The following TENM3 variants were observed in gnomAD, a reference collection of about 807,000 sequenced individuals.
TENM3 encodes the protein teneurin transmembrane protein 3, also known as teneurin-3.
A neutral mutation model predicts 255.1 loss-of-function variants in TENM3; 63 were observed. The observed-to-expected ratio is 0.25, with a 90% CI of 0.20 to 0.30. The LOEUF (loss-of-function observed/expected upper bound fraction) is 0.30, where lower values mean the gene tolerates loss of function less well. Ranked by LOEUF, TENM3 falls within the 10% of genes least tolerant of loss-of-function variation. The probability of loss-of-function intolerance (pLI) is 1.00; values close to 1 mark genes in which losing one functional copy is unlikely to be tolerated. For synonymous variants in TENM3, 1,306 were observed against 1,322.3 expected, an observed-to-expected ratio of 0.99 and a Z score of 0.27; for missense variants, 2,929 against 3,461.1, an observed-to-expected ratio of 0.85 and a Z score of 3.86.
the TENM3 span, among the ~76,000 whole-genome samples, chr4:181,637,814 T>G: frequency 6.6e-6 from 1 of 152,230 alleles, no homozygotes; most frequent in Non-Finnish European, 1.5e-5. Flanking sequence ...CCGTGAGACA[T>G]GCATTTTTGT....
intron 3 of TENM3, among the ~76,000 whole-genome samples, chr4:182,543,327 A>G (rs1370260286): frequency 3.9e-5 from 6 of 152,208 alleles, no homozygotes; most frequent in African/African-American, 9.6e-5. Context: ...AACAAATTCA[A>G]TAGGAGAAAG....
chr4:182,576,577 T>C (rs1214915188), intron 3 of TENM3, among the ~76,000 whole-genome samples: 1 of 152,242 alleles, frequency 6.6e-6, no homozygotes, highest in Admixed American at 6.5e-5. Context: ...TTGGAAATTA[T>C]ATGGTTGACC....
At chr4:182,318,570 T>C (rs1762876712) in intron 1 of TENM3, among the ~76,000 whole-genome samples, 1 of 152,188 alleles carries the variant, frequency 6.6e-6, no homozygotes. Flanking sequence ...TGCCCATTCA[T>C]TCATTCAGTC....
At chr4:182,049,640 C>T in the TENM3 span, among the ~76,000 whole-genome samples, 1 of 152,174 alleles carries the variant, frequency 6.6e-6, no homozygotes, top group Non-Finnish European at 1.5e-5. Context: ...ACATTAAATG[C>T]CAAATTTCAA....
At chr4:182,602,711 T>C (rs1367682745) in intron 4 of TENM3, among the ~76,000 whole-genome samples, 1 of 152,194 alleles carries the variant, frequency 6.6e-6, no homozygotes, top group Non-Finnish European at 1.5e-5. Context: ...GACACAGTCA[T>C]GTATACGGAT....
rs1766705760 is a variant in TENM3 at position 182,799,096 on chromosome 4, C to G, written c.7345-500C>G. Among the ~76,000 whole-genome samples the G allele has an allele frequency of 6.6e-6, 1 of 152,282 alleles. No individual in the cohort carries two copies. Among genetic ancestry groups the G allele is most frequent in the East Asian group, 1.9e-4 (1 of 5,184 alleles). ...CACCATCTTCAGCTGAAAACTCTGC[C>G]AGGAGAGGGGACAGAGTTGACTTAA... On this transcript the variant is annotated intron_variant, in intron 27 of 27. Transcript: ENST00000511685. This position sits in a 1 kb window ranked among gnomAD's most constrained non-coding sequence, Gnocchi z 4.2.
At chr4:182,312,208 G>GTAATTAACC (rs1762486164) in intron 1 of TENM3, among the ~76,000 whole-genome samples, 1 of 152,104 alleles carries the variant, frequency 6.6e-6, no homozygotes, top group Non-Finnish European at 1.5e-5. Flanking sequence ...ATAAATTGAG[G>GTAATTAACC]TTATTGGCTT....
the TENM3 span, among the ~76,000 whole-genome samples, chr4:182,007,170 G>T: frequency 6.6e-6 from 1 of 152,156 alleles, no homozygotes; most frequent in African/African-American, 2.4e-5. Context: ...TTTAGAATAA[G>T]TGCCATATGA....
intron 3 of TENM3, among the ~76,000 whole-genome samples, chr4:182,560,014 C>A (rs544313893): frequency 1.3e-5 from 2 of 151,622 alleles, no homozygotes; most frequent in Admixed American, 6.6e-5. Flanking sequence ...ATCAAAATAT[C>A]TTCTCATGTA....
At chr4:181,732,545 G>A in the TENM3 span, among the ~76,000 whole-genome samples, 3 of 152,152 alleles carry the variant, frequency 2.0e-5, no homozygotes, top group African/African-American at 2.4e-5. Context: ...AGGTAGGGCC[G>A]TAGTTACACA....
the TENM3 span, among the ~76,000 whole-genome samples, chr4:181,910,934 G>A: frequency 6.6e-6 from 1 of 151,938 alleles, no homozygotes; most frequent in Admixed American, 6.6e-5. Context: ...GCTTTTTCCA[G>A]TTGTTTGCTA....
At chr4:181,636,771 C>T in the TENM3 span, among the ~76,000 whole-genome samples, 4 of 152,202 alleles carry the variant, frequency 2.6e-5, no homozygotes, top group Non-Finnish European at 5.9e-5. Context: ...CTCAACGCAG[C>T]GACCAAAGTA....
the TENM3 span, among the ~76,000 whole-genome samples, chr4:181,474,739 C>CAA: frequency 0.25 from 34,473 of 137,076 alleles, 4,527 homozygotes; most frequent in South Asian, 0.3. Context: ...CGTCTCAAAA[C>CAA]AAAAAAAAAA....
the TENM3 span, among the ~76,000 whole-genome samples, chr4:181,535,002 T>A: frequency 1.3e-5 from 2 of 152,190 alleles, no homozygotes; most frequent in African/African-American, 4.8e-5. Context: ...TTGCTGGTAA[T>A]TTCAGCCTCC....
chr4:182,055,307 T>C, the TENM3 span, among the ~76,000 whole-genome samples: 1 of 151,856 alleles, frequency 6.6e-6, no homozygotes, highest in Admixed American at 6.6e-5. Context: ...ATGGTGCCAC[T>C]GCACTCCAGC....
chr4:181,580,225 C>T, the TENM3 span, among the ~76,000 whole-genome samples: 1 of 151,960 alleles, frequency 6.6e-6, no homozygotes, highest in South Asian at 2.1e-4. Context: ...CTTGAACTCC[C>T]AACCTCAGGT....
chr4:182,301,967 T>C (rs554416144), intron 1 of TENM3, among the ~76,000 whole-genome samples: 32 of 152,280 alleles, frequency 2.1e-4, no homozygotes, highest in Non-Finnish European at 2.8e-4. Context: ...TGGGTTTCCA[T>C]ATCATGGGAA....
intron 3 of TENM3, among the ~76,000 whole-genome samples, chr4:182,445,545 G>C (rs762516526): frequency 6.6e-6 from 1 of 152,138 alleles, no homozygotes; most frequent in African/African-American, 2.4e-5. Flanking sequence ...AGAGAGGTCA[G>C]AAGCATTCTT....
intron 3 of TENM3, among the ~76,000 whole-genome samples, chr4:182,521,891 G>A (rs561425875): frequency 1.3e-5 from 2 of 152,040 alleles, no homozygotes; most frequent in East Asian, 3.9e-4. Context: ...GTTCACAAAC[G>A]AATTTTTCTT....
Sources: gnomAD v4.1 joint callset for allele counts (sites outside exome capture counted in the v4.1 genomes callset) on GRCh38, gnomAD v4.1.1 for gene constraint, Gnocchi (gnomAD v3.1) non-coding constraint, MANE v1.5 for transcripts, NCBI Gene and HGNC (gene_info 2026-07-23, HGNC 2026-07-21) for gene names.